CDCA7L: variants seen among roughly 807,000 people sequenced by gnomAD.
The protein encoded by CDCA7L is cell division cycle associated 7 like.
In CDCA7L, 44 loss-of-function variants were observed where a neutral mutation model predicts 57.4. That is an observed-to-expected ratio of 0.77 (90% CI 0.60 to 0.98). The LOEUF is 0.98. CDCA7L is among the 50% of genes least tolerant of loss of function. The pLI is 0.00. For synonymous variants in CDCA7L, 236 were observed against 202.8 expected (o/e 1.16, Z -1.39); for missense variants, 644 against 580.6 (o/e 1.11, Z -1.12).
intron 1 of CDCA7L, among the ~76,000 whole-genome samples, chr7:21,928,988 C>A (rs1365303436): frequency 6.6e-6 from 1 of 151,948 alleles, no homozygotes; most frequent in Non-Finnish European, 1.5e-5. Flanking sequence ...AAGAGCAACC[C>A]CAAGACACAT....
intron 1 of CDCA7L, among the ~76,000 whole-genome samples, chr7:21,932,847 T>C (rs1175868926): frequency 1.3e-5 from 2 of 151,794 alleles, no homozygotes; most frequent in Non-Finnish European, 2.9e-5. Context: ...AAAGAAACTA[T>C]CATCAGAGTG....
Position 21,902,103 on chromosome 7 carries a change from G to T in CDCA7L, c.*219C>A. The T allele has an allele frequency of 1.8e-6, 1 of 559,168 alleles. No homozygotes were observed. Among genetic ancestry groups the T allele is most frequent in the Non-Finnish European group, 3.2e-6 (1 of 311,336 alleles). 34.6% of individuals were successfully genotyped at this position (559,168 alleles called of 1,614,324 possible). A position where few individuals can be genotyped will look rare whatever the true frequency, so the allele number is the denominator to read the frequency against. On this transcript the variant is annotated 3_prime_UTR_variant, in exon 10 of 10. Transcript: ENST00000406877. ...TATTTTTAACAAAGTTCAGCATACA[G>T]ACAGGTCTGTGCATACATCTATATA... is the stretch of plus-strand genomic sequence containing the variant.
intron 7 of CDCA7L, among the ~76,000 whole-genome samples, chr7:21,905,242 C>A (rs1051175303): frequency 1.3e-5 from 2 of 151,998 alleles, no homozygotes; most frequent in Non-Finnish European, 2.9e-5. Context: ...TTAACAGTTA[C>A]ATATAAAAAT....
intron 1 of CDCA7L, among the ~76,000 whole-genome samples, chr7:21,925,562 G>A (rs981669231): frequency 6.6e-6 from 1 of 152,200 alleles, no homozygotes; most frequent in African/African-American, 2.4e-5. Flanking sequence ...AGGCGTATAT[G>A]AATTACTATT....
At chr7:21,936,889 A>C (rs1786182502) in intron 1 of CDCA7L, among the ~76,000 whole-genome samples, 1 of 152,210 alleles carries the variant, frequency 6.6e-6, no homozygotes, top group Non-Finnish European at 1.5e-5. Context: ...CTGCTATAAG[A>C]GACGTGATTA....
chr7:21,944,500 G>T (rs1015032933), intron 1 of CDCA7L, among the ~76,000 whole-genome samples: 1 of 139,342 alleles, frequency 7.2e-6, no homozygotes, highest in Non-Finnish European at 1.5e-5. Context: ...AAAGCCAGTG[G>T]CAAAAAATAA....
intron 2 of CDCA7L, among the ~76,000 whole-genome samples, chr7:21,912,166 G>A (rs1402308288): frequency 1.3e-5 from 2 of 152,038 alleles, no homozygotes; most frequent in Non-Finnish European, 1.5e-5. Context: ...GGAGGCTAAG[G>A]TGGGAGGATT....
At chr7:21,929,048 G>C (rs1352151567) in intron 1 of CDCA7L, among the ~76,000 whole-genome samples, 1 of 152,100 alleles carries the variant, frequency 6.6e-6, no homozygotes, top group Non-Finnish European at 1.5e-5. Context: ...GTTAAGGGCA[G>C]CCAGAGAGAA....
chr7:21,902,356 G>T lies in CDCA7L; in HGVS notation c.1335-4C>A, dbSNP rs759123121. ...TTCTACCAGCTCCTTTTGTAAGCTG[G>T]GAAAAAGATGAGAAGTATTTGGTAA... is the stretch of plus-strand genomic sequence containing the variant. On this transcript the variant is annotated splice_polypyrimidine_tract_variant and splice_region_variant and intron_variant, in intron 9 of 9. Coordinates refer to ENST00000406877, the MANE Select transcript of CDCA7L (RefSeq NM_018719.5). 1 of 1,613,492 alleles carries T rather than the reference G, an allele frequency of 6.2e-7. No homozygotes were observed. The highest frequency in any genetic ancestry group is 8.5e-7 in the Non-Finnish European group (1 of 1,179,758).
intron 1 of CDCA7L, among the ~76,000 whole-genome samples, chr7:21,929,527 C>T (rs1227189788): frequency 6.8e-6 from 1 of 147,344 alleles, no homozygotes; most frequent in Non-Finnish European, 1.5e-5. Context: ...GATAAAGAGT[C>T]AAGACCCATC....
At chr7:21,923,528 T>A (rs1331106166) in intron 1 of CDCA7L, among the ~76,000 whole-genome samples, 2 of 151,810 alleles carry the variant, frequency 1.3e-5, no homozygotes, top group Non-Finnish European at 2.9e-5. Flanking sequence ...AAAACCGGGG[T>A]AGAGGGGAAT....
In CDCA7L at chr7:21,901,194, GAGCGA is replaced by G; in HGVS notation, c.*1123_*1127del. 1 of 1,613,652 alleles carries G rather than the reference GAGCGA, an allele frequency of 6.2e-7. No homozygotes were observed. Among genetic ancestry groups the G allele is most frequent in the Non-Finnish European group, 8.5e-7 (1 of 1,179,730 alleles). ...GCTACATCTGGACCTTCAGGCTGAA[GAGCGA>G]AGAGAAGACTGCAAAATGGGTTCTG... On this transcript the variant is annotated 3_prime_UTR_variant, in exon 10 of 10. Coordinates refer to ENST00000406877, the MANE Select transcript of CDCA7L (RefSeq NM_018719.5).
At chr7:21,919,457 T>C (rs1785588284) in intron 1 of CDCA7L, among the ~76,000 whole-genome samples, 1 of 152,112 alleles carries the variant, frequency 6.6e-6, no homozygotes, top group Non-Finnish European at 1.5e-5. Flanking sequence ...AAATCAGCCA[T>C]TTCTCCAAGG....
chr7:21,917,530 T>C (rs1583857450), intron 1 of CDCA7L, among the ~76,000 whole-genome samples: 1 of 152,224 alleles, frequency 6.6e-6, no homozygotes, highest in East Asian at 1.9e-4. Flanking sequence ...TTTTTGTAAG[T>C]TGACTATTTT....
In CDCA7L at chr7:21,936,951, T is replaced by C. The variant is rs537386963; in HGVS notation, c.24+8830A>G. Reference sequence around the variant, plus strand: ...ACAAAAAGTAGTTAGAGCTAACAATTAGACATTGCAGGACACAAAATCAAC... The same window carrying C: ...ACAAAAAGTAGTTAGAGCTAACAATCAGACATTGCAGGACACAAAATCAAC... On this transcript the variant is annotated intron_variant, in intron 1 of 9. Transcript: ENST00000406877. Among the ~76,000 whole-genome samples the C allele has an allele frequency of 1.5e-3, 229 of 152,212 alleles. 2 individuals carry two copies. Among genetic ancestry groups the C allele is most frequent in the Admixed American group, 6.5e-4 (10 of 15,276 alleles).
rs1468973117 is a variant in CDCA7L at position 21,911,874 on chromosome 7, G to A, written c.166-120C>T. 8 of 789,072 alleles carry A rather than the reference G, an allele frequency of 1.0e-5. No homozygotes were observed. In the Admixed American group the frequency reaches 1.4e-4, roughly 14 times the overall value. The allele number at this position is 789,072 out of a possible 1,614,324, so 48.9% of individuals were successfully genotyped here. On this transcript the variant is annotated intron_variant, in intron 2 of 9. Coordinates refer to ENST00000406877, the MANE Select transcript of CDCA7L (RefSeq NM_018719.5). Reference sequence around the variant, plus strand: ...TCTGATGGAGATGACGAAAATGGATGGACAACAATGTGAATGTACTTAATG... The same window carrying A: ...TCTGATGGAGATGACGAAAATGGATAGACAACAATGTGAATGTACTTAATG...
In CDCA7L at chr7:21,901,450, C is replaced by A. The variant is rs1321813687; in HGVS notation, c.*872G>T. 2 of 655,730 alleles carry A rather than the reference C, an allele frequency of 3.1e-6. No individual in the cohort carries two copies. Among genetic ancestry groups the A allele is most frequent in the African/African-American group, 3.7e-5 (2 of 53,652 alleles). The allele number at this position is 655,730 out of a possible 1,614,324, so 40.6% of individuals were successfully genotyped here. A position where few individuals can be genotyped will look rare whatever the true frequency, so the allele number is the denominator to read the frequency against. ...CAGGGCTGAGCGTGGTGGCACACGA[C>A]TGTAATCCCAGTTACTCAGGAGGTA... On this transcript the variant is annotated 3_prime_UTR_variant, in exon 10 of 10. Transcript: ENST00000406877.
intron 1 of CDCA7L, among the ~76,000 whole-genome samples, chr7:21,935,492 C>G (rs1180887641): frequency 6.6e-6 from 1 of 151,454 alleles, no homozygotes; most frequent in Non-Finnish European, 1.5e-5. Flanking sequence ...GTATAGCACA[C>G]CAAACCCAAA....
chr7:21,929,631 CAAAAAAAAAAAAAAAA>C, intron 1 of CDCA7L, among the ~76,000 whole-genome samples: 1 of 35,506 alleles, frequency 2.8e-5, no homozygotes, highest in African/African-American at 1.5e-4. Context: ...AAATGGAAAG[CAAAAAAAAAAAAAAAA>C]AAAAAAAAAG....
Sources: gnomAD v4.1 joint callset for allele counts (sites outside exome capture counted in the v4.1 genomes callset) on GRCh38, gnomAD v4.1.1 for gene constraint, MANE v1.5 for transcripts, NCBI Gene and HGNC (gene_info 2026-07-23, HGNC 2026-07-21) for gene names.